Variants in UNC13C observed in about 807,000 individuals in gnomAD.
The protein encoded by UNC13C is protein unc-13 homolog C.
UNC13C carries 174 observed loss-of-function variants against 245.4 expected under a neutral mutation model. The ratio of observed to expected loss-of-function variants is 0.71; its 90% CI spans 0.63 to 0.80. UNC13C has a LOEUF of 0.80. Ranked by LOEUF, UNC13C falls within the 30% of genes least tolerant of loss-of-function variation. The pLI is 0.00. For missense variants in UNC13C, 2,829 were observed against 2,602.9 expected, an observed-to-expected ratio of 1.09 and a Z score of -1.89; for synonymous variants, 992 against 895.1, an observed-to-expected ratio of 1.11 and a Z score of -1.93.
intron 1 of UNC13C, among the ~76,000 whole-genome samples, chr15:54,007,408 C>T (rs1435553693): frequency 6.6e-6 from 1 of 152,150 alleles, no homozygotes; most frequent in African/African-American, 2.4e-5. Context: ...GGTACATATA[C>T]ACTATGGAAT....
chr15:54,040,587 A>C (rs889653033), intron 2 of UNC13C, among the ~76,000 whole-genome samples: 7 of 152,108 alleles, frequency 4.6e-5, no homozygotes, highest in African/African-American at 1.7e-4. Flanking sequence ...GTATTTTTCA[A>C]CAACTCCCTA....
chr15:54,457,459 T>C (rs1891593339), intron 19 of UNC13C, among the ~76,000 whole-genome samples: 1 of 152,126 alleles, frequency 6.6e-6, no homozygotes, highest in Non-Finnish European at 1.5e-5. Context: ...TTGGTACCCA[T>C]TCTTCTTTGA....
intron 2 of UNC13C, among the ~76,000 whole-genome samples, chr15:54,115,909 G>A (rs754741449): frequency 1.6e-4 from 25 of 152,160 alleles, no homozygotes; most frequent in African/African-American, 2.9e-4. Flanking sequence ...AGCAATAGAC[G>A]CATAGAAGAA....
chr15:54,248,342 C>T (rs1187426282), intron 7 of UNC13C, among the ~76,000 whole-genome samples: 3 of 152,134 alleles, frequency 2.0e-5, no homozygotes, highest in Non-Finnish European at 2.9e-5. Context: ...CACACAGCCC[C>T]TCAGCCCAGT....
At chr15:54,406,134 A>T (rs546121022) in intron 18 of UNC13C, among the ~76,000 whole-genome samples, 1 of 152,300 alleles carries the variant, frequency 6.6e-6, no homozygotes, top group Non-Finnish European at 1.5e-5. Context: ...CAAAGGAAAT[A>T]AAGACCTGAA....
At chr15:53,948,036 A>G in the UNC13C span, 1 of 152,226 alleles carries the variant, frequency 6.6e-6, no homozygotes, top group Non-Finnish European at 1.5e-5. Flanking sequence ...TTAGGTGAAC[A>G]TATTCTTAAG....
intron 1 of UNC13C, among the ~76,000 whole-genome samples, chr15:53,987,101 T>C (rs922673306): frequency 2.0e-5 from 3 of 152,082 alleles, no homozygotes; most frequent in Non-Finnish European, 4.4e-5. Context: ...GATTTCTCTT[T>C]AGTGTTTTCT....
chr15:54,592,863 G>GTTTTTTTTTTT (rs56152927), intron 30 of UNC13C, among the ~76,000 whole-genome samples: 2 of 134,146 alleles, frequency 1.5e-5, no homozygotes, highest in African/African-American at 2.7e-5. Context: ...TTTGTTTTTT[G>GTTTTTTTTTTT]TTTTTTTTTT....
chr15:54,067,089 A>G (rs1381747145), intron 2 of UNC13C, among the ~76,000 whole-genome samples: 1 of 152,086 alleles, frequency 6.6e-6, no homozygotes, highest in Non-Finnish European at 1.5e-5. Flanking sequence ...TTCTTAGATT[A>G]TTAAGGCAAT....
At chr15:54,459,528 C>A (rs1392909157) in intron 19 of UNC13C, among the ~76,000 whole-genome samples, 1 of 152,098 alleles carries the variant, frequency 6.6e-6, no homozygotes, top group Non-Finnish European at 1.5e-5. Flanking sequence ...GCAGGAACAC[C>A]AATTATTCTT....
the UNC13C span, among the ~76,000 whole-genome samples, chr15:53,879,973 A>G: frequency 0.21 from 23,911 of 113,594 alleles, 2,372 homozygotes; most frequent in Admixed American, 0.29. Flanking sequence ...GTGTGTGTGT[A>G]TATACATATA....
At chr15:54,124,481 A>C (rs531896564) in intron 2 of UNC13C, among the ~76,000 whole-genome samples, 1 of 152,170 alleles carries the variant, frequency 6.6e-6, no homozygotes, top group Non-Finnish European at 1.5e-5. Flanking sequence ...TTTCCATATT[A>C]GATTTTTTCT....
intron 30 of UNC13C, among the ~76,000 whole-genome samples, chr15:54,596,241 G>A (rs909159704): frequency 6.6e-6 from 1 of 152,124 alleles, no homozygotes; most frequent in East Asian, 1.9e-4. Flanking sequence ...TATCCCAACT[G>A]TGGGTGTTTT....
intron 17 of UNC13C, among the ~76,000 whole-genome samples, chr15:54,354,191 A>T (rs1374878701): frequency 6.6e-6 from 1 of 152,028 alleles, no homozygotes; most frequent in Non-Finnish European, 1.5e-5. Context: ...AAAAAAAAGG[A>T]TAACAATAAT....
intron 17 of UNC13C, among the ~76,000 whole-genome samples, chr15:54,348,595 C>T (rs1383670206): frequency 2.0e-5 from 3 of 152,132 alleles, no homozygotes; most frequent in East Asian, 1.9e-4. Context: ...AAAATATCAC[C>T]GTAGAATAGT....
At chr15:54,273,809 C>A (rs1238023006) in intron 10 of UNC13C, among the ~76,000 whole-genome samples, 8 of 152,088 alleles carry the variant, frequency 5.3e-5, no homozygotes, top group Admixed American at 5.2e-4. Context: ...CTTGGATGTA[C>A]CCCTTGTGTA....
intron 24 of UNC13C, among the ~76,000 whole-genome samples, chr15:54,518,879 A>G (rs1189545151): frequency 1.1e-4 from 17 of 152,222 alleles, no homozygotes; most frequent in Admixed American, 1.1e-3. Flanking sequence ...CGTTGATTCT[A>G]TTCCTAACTT....
intron 2 of UNC13C, among the ~76,000 whole-genome samples, chr15:54,139,009 G>GAGTGC (rs1011280910): frequency 1.8e-5 from 2 of 112,740 alleles, no homozygotes; most frequent in African/African-American, 6.7e-5. Flanking sequence ...CGCCAGGCTG[G>GAGTGC]AGTGCAGTGG....
chr15:54,343,338 A>G (rs1211686495), intron 17 of UNC13C, among the ~76,000 whole-genome samples: 2 of 151,988 alleles, frequency 1.3e-5, no homozygotes, highest in African/African-American at 4.8e-5. Flanking sequence ...TCACCACGTT[A>G]GCCAGGCTGG....
Sources: gnomAD v4.1 joint callset for allele counts (sites outside exome capture counted in the v4.1 genomes callset) on GRCh38, gnomAD v4.1.1 for gene constraint, MANE v1.5 for transcripts, NCBI Gene and HGNC (gene_info 2026-07-23, HGNC 2026-07-21) for gene names.